KRR1: variants seen among roughly 807,000 people sequenced by gnomAD.
KRR1 encodes KRR1 small subunit processome component.
KRR1 carries 23 observed loss-of-function variants against 50.0 expected under a neutral mutation model. The observed-to-expected ratio is 0.46, with a 90% CI of 0.33 to 0.65. KRR1 has a LOEUF of 0.65. Ranked by LOEUF, KRR1 falls within the 30% of genes least tolerant of loss-of-function variation. KRR1 has a pLI of 0.02. For missense variants in KRR1, 419 were observed against 442.4 expected (o/e 0.95, Z 0.47); for synonymous variants, 133 against 146.3 (o/e 0.91, Z 0.66).
At chr12:75,509,530 G>A (rs931449056) in intron 1 of KRR1, among the ~76,000 whole-genome samples, 1 of 150,604 alleles carries the variant, frequency 6.6e-6, no homozygotes, top group Non-Finnish European at 1.5e-5. Context: ...ATTCTCCAAT[G>A]TCCTTTAAAG....
At position 75,498,748 on chromosome 12, in the gene KRR1, A is replaced by T. The variant is rs1423354662; in HGVS notation, c.*1061T>A. ...ACGTACATCAATCTTAAATTGTTTC[A>T]TTAAGAGCTATGTGAATTCTGTCAG... is the stretch of plus-strand genomic sequence containing the variant. On this transcript the variant is annotated 3_prime_UTR_variant, in exon 10 of 10. Transcript: ENST00000229214. 6.2e-7 allele frequency: 1 copy of T among 1,608,702 alleles called. No individual in the cohort carries two copies. The highest frequency in any genetic ancestry group is 8.5e-7 in the Non-Finnish European group (1 of 1,175,304).
At position 75,495,615 on chromosome 12, in the gene KRR1, C is replaced by G; in HGVS notation, c.*4194G>C. ...ACTTGGCCATATAAGAGAGGAGCCA[C>G]CTGCAGTGCCTGCCCCAATAATGAC... On this transcript the variant is annotated 3_prime_UTR_variant, in exon 10 of 10. Coordinates refer to ENST00000229214, the MANE Select transcript of KRR1 (RefSeq NM_007043.7). 6.2e-7 allele frequency: 1 copy of G among 1,611,532 alleles called. No homozygotes were observed. Among genetic ancestry groups the G allele is most frequent in the Non-Finnish European group, 8.5e-7 (1 of 1,177,744 alleles).
At chr12:75,501,459 G>T (rs2046393269) in intron 9 of KRR1, 3 of 347,972 alleles carry the variant, frequency 8.6e-6, no homozygotes, top group Non-Finnish European at 1.6e-5. Flanking sequence ...CCCTGGGTTT[G>T]TATCTTTCAC....
rs572965442 is a variant in KRR1 at position 75,495,487 on chromosome 12, ATTC to A, written c.*4319_*4321del. ...CTGGACCTTTGTACTTCACTCCACT[ATTC>A]TTCTGGATTTAGTTAAGGATTCATA... On this transcript the variant is annotated 3_prime_UTR_variant, in exon 10 of 10. Transcript: ENST00000229214. 4.3e-5 allele frequency: 30 copies of A among 700,654 alleles called. No individual in the cohort carries two copies. In the South Asian group the frequency reaches 4.8e-4, roughly 11 times the overall value. 43.4% of individuals were successfully genotyped at this position (700,654 alleles called of 1,614,324 possible). A position where few individuals can be genotyped will look rare whatever the true frequency, so the allele number is the denominator to read the frequency against.
At chr12:75,507,729 A>C (rs1223466150) in intron 2 of KRR1, among the ~76,000 whole-genome samples, 1 of 152,194 alleles carries the variant, frequency 6.6e-6, no homozygotes, top group African/African-American at 2.4e-5. Context: ...CAATATCAAA[A>C]AAAGATACTT....
Position 75,498,927 on chromosome 12 carries a change from A to AATTACC in KRR1, c.*876_*881dup. 6.2e-7 allele frequency: 1 copy of AATTACC among 1,609,168 alleles called. No individual in the cohort carries two copies. Among genetic ancestry groups the AATTACC allele is most frequent in the Non-Finnish European group, 8.5e-7 (1 of 1,176,192 alleles). On this transcript the variant is annotated 3_prime_UTR_variant, in exon 10 of 10. Coordinates refer to ENST00000229214, the MANE Select transcript of KRR1 (RefSeq NM_007043.7). ...CAGTAATTCTAATACTGTCTGTTATAATTACCATTTTGGTACAGCACAAGT... is the reference window on the plus strand; with the variant it reads ...CAGTAATTCTAATACTGTCTGTTATAATTACCATTACCATTTTGGTACAGCACAAGT...
chr12:75,498,795 T>TAAGA lies in KRR1; in HGVS notation c.*1010_*1013dup. On this transcript the variant is annotated 3_prime_UTR_variant, in exon 10 of 10. Coordinates refer to ENST00000229214, the MANE Select transcript of KRR1 (RefSeq NM_007043.7). ...TCAGTGCATTATGAGGAACAATGTC[T>TAAGA]AAGAGGATATTCTATGTTTGTTTCA... 6.2e-7 allele frequency: 1 copy of TAAGA among 1,611,458 alleles called. No homozygotes were observed. Among genetic ancestry groups the TAAGA allele is most frequent in the Non-Finnish European group, 8.5e-7 (1 of 1,177,852 alleles).
In KRR1 at chr12:75,495,467, C is replaced by A; in HGVS notation, c.*4342G>T. 1 of 645,646 alleles carries A rather than the reference C, an allele frequency of 1.5e-6. No individual in the cohort carries two copies. Among genetic ancestry groups the A allele is most frequent in the East Asian group, 2.8e-5 (1 of 36,300 alleles). The allele number at this position is 645,646 out of a possible 1,614,324, so 40.0% of individuals were successfully genotyped here. On this transcript the variant is annotated 3_prime_UTR_variant, in exon 10 of 10. Coordinates refer to ENST00000229214, the MANE Select transcript of KRR1 (RefSeq NM_007043.7). ...TCACTTCTATTACCAACTCTCTGGACCTTTGTACTTCACTCCACTATTCTT... is the reference window on the plus strand; with the variant it reads ...TCACTTCTATTACCAACTCTCTGGAACTTTGTACTTCACTCCACTATTCTT...
intron 6 of KRR1, among the ~76,000 whole-genome samples, chr12:75,504,834 G>C (rs567351401): frequency 1.3e-5 from 2 of 151,988 alleles, no homozygotes; most frequent in Non-Finnish European, 2.9e-5. Flanking sequence ...GATTTTAATA[G>C]AAAAAGGCAG....
Position 75,495,129 on chromosome 12 carries a change from TA to T in KRR1, c.*4679del, listed in dbSNP as rs1466466342. ...TTATGGAGGGCTGACCAACTGAGAA[TA>T]TTGAATGTGGGTCACCATAGCTTTT... On this transcript the variant is annotated 3_prime_UTR_variant, in exon 10 of 10. Transcript: ENST00000229214. 2 of 152,466 alleles carry T rather than the reference TA, an allele frequency of 1.3e-5. No homozygotes were observed. Among genetic ancestry groups the T allele is most frequent in the East Asian group, 3.8e-4 (2 of 5,202 alleles). 9.4% of individuals were successfully genotyped at this position (152,466 alleles called of 1,614,324 possible).
intron 6 of KRR1, 30 bp from the exon 7 acceptor site, chr12:75,504,104 T>A (rs1305503688): frequency 1.3e-6 from 2 of 1,551,250 alleles, no homozygotes; most frequent in Non-Finnish European, 1.8e-6. Context: ...TAAAAATTTT[T>A]ACTTTCCAAA....
intron 9 of KRR1, chr12:75,500,549 TAATA>T (rs1235780131): frequency 6.6e-6 from 1 of 151,962 alleles, no homozygotes; most frequent in African/African-American, 2.4e-5. Context: ...AATGACTAAT[TAATA>T]GTATTTTAAC....
In KRR1 at chr12:75,498,116, T is replaced by C. The variant is rs1263168588; in HGVS notation, c.*1693A>G. The stretch of plus-strand genomic sequence containing the variant: ...TGGTGTGGAAAAGGTTTCTATTTTA[T>C]AAAAGAAAGTATCCAGAAGGCTAAA... On this transcript the variant is annotated 3_prime_UTR_variant, in exon 10 of 10. Coordinates refer to ENST00000229214, the MANE Select transcript of KRR1 (RefSeq NM_007043.7). The C allele has an allele frequency of 2.0e-5, 3 of 151,454 alleles. No individual in the cohort carries two copies. Among genetic ancestry groups the C allele is most frequent in the Non-Finnish European group, 2.9e-5 (2 of 68,336 alleles). 9.4% of individuals were successfully genotyped at this position (151,454 alleles called of 1,614,324 possible). A position where few individuals can be genotyped will look rare whatever the true frequency, so the allele number is the denominator to read the frequency against.
At chr12:75,500,327 T>C (rs545824259) in intron 9 of KRR1, 98 of 154,784 alleles carry the variant, frequency 6.3e-4, no homozygotes, top group Non-Finnish European at 1.3e-3. Context: ...TGAGTCATTA[T>C]TTTCCATCTT....
intron 2 of KRR1, 130 bp from the exon 3 acceptor site, chr12:75,507,046 C>T (rs763107249): frequency 1.7e-4 from 120 of 687,600 alleles, no homozygotes; most frequent in Non-Finnish European, 2.4e-4. Flanking sequence ...CCTGAAGAAG[C>T]TAGGTAGTTA....
intron 9 of KRR1, chr12:75,501,043 G>T (rs1017718311): frequency 6.6e-6 from 1 of 151,976 alleles, no homozygotes; most frequent in Non-Finnish European, 1.5e-5. Context: ...GTACAATATT[G>T]CTGGTGAGCC....
Position 75,498,499 on chromosome 12 carries a change from T to C in KRR1, c.*1310A>G, listed in dbSNP as rs1375251115. 1 of 527,858 alleles carries C rather than the reference T, an allele frequency of 1.9e-6. No individual in the cohort carries two copies. The highest frequency in any genetic ancestry group is 3.3e-6 in the Non-Finnish European group (1 of 300,100). The allele number at this position is 527,858 out of a possible 1,614,324, so 32.7% of individuals were successfully genotyped here. A position where few individuals can be genotyped will look rare whatever the true frequency, so the allele number is the denominator to read the frequency against. ...TTTTATAAAAGGTTTATAAAGTTTA[T>C]GTAAAAAGTCAACTTAAAAATACCA... On this transcript the variant is annotated 3_prime_UTR_variant, in exon 10 of 10. Coordinates refer to ENST00000229214, the MANE Select transcript of KRR1 (RefSeq NM_007043.7).
chr12:75,503,792 A>G, intron 7 of KRR1, 112 bp downstream of exon 7: 1 of 968,624 alleles, frequency 1.0e-6, no homozygotes, highest in Non-Finnish European at 1.5e-6. Context: ...GCACACACAC[A>G]CACAATATAT....
intron 7 of KRR1, chr12:75,502,376 C>G: frequency 6.2e-6 from 1 of 162,452 alleles, no homozygotes; most frequent in Non-Finnish European, 1.3e-5. Flanking sequence ...ACTGTAAAGA[C>G]CAAAGAATAA....
Sources: gnomAD v4.1 joint callset for allele counts (sites outside exome capture counted in the v4.1 genomes callset) on GRCh38, gnomAD v4.1.1 for gene constraint, MANE v1.5 for transcripts, NCBI Gene and HGNC (gene_info 2026-07-23, HGNC 2026-07-21) for gene names.